Variants in UNK observed in about 807,000 individuals in gnomAD.
UNK encodes the protein RING finger protein unkempt homolog.
Under a neutral mutation model 97.6 loss-of-function variants are expected in UNK, and 32 were observed. The observed-to-expected ratio is 0.33, with a 90% CI of 0.25 to 0.44. The LOEUF (loss-of-function observed/expected upper bound fraction) is 0.44. Ranked by LOEUF, UNK falls within the 20% of genes least tolerant of loss-of-function variation. UNK has a pLI of 1.00. For missense variants in UNK, 771 were observed against 1,098.4 expected (o/e 0.70, Z 4.21); for synonymous variants, 441 against 461.2 (o/e 0.96, Z 0.56).
Position 75,817,653 on chromosome 17 carries a change from T to G in UNK, c.1305+127T>G, listed in dbSNP as rs2062029470. 9.7e-7 allele frequency: 1 copy of G among 1,031,896 alleles called. No homozygotes were observed. The highest frequency in any genetic ancestry group is 2.6e-5 in the East Asian group (1 of 37,816). 63.9% of individuals were successfully genotyped at this position (1,031,896 alleles called of 1,614,324 possible). On this transcript the variant is annotated intron_variant, in intron 9 of 15. Coordinates refer to ENST00000589666, the MANE Select transcript of UNK (RefSeq NM_001080419.3). The surrounding 1 kb of genome is among the most constrained non-coding windows in gnomAD (Gnocchi z 5.8). ...AGCTAGGACTCCACTGTCCTCGGCC[T>G]CTTCAGGACTGAACAGAGGGAGCAG... is the stretch of plus-strand genomic sequence containing the variant.
Position 75,789,209 on chromosome 17 carries a change from AATC to A in UNK, c.104+4226_104+4228del, listed in dbSNP as rs2061740648. The stretch of plus-strand genomic sequence containing the variant: ...AGCAGGCACTTGTGCTGGACTTAGG[AATC>A]CAGTCCTTTTAGAAAACAGTTATGT... On this transcript the variant is annotated intron_variant, in intron 1 of 15. Coordinates refer to ENST00000589666, the MANE Select transcript of UNK (RefSeq NM_001080419.3). Among the ~76,000 whole-genome samples the A allele has an allele frequency of 2.0e-5, 3 of 152,166 alleles. No homozygotes were observed. The East Asian group carries it at 5.8e-4, about 29-fold the overall frequency.
chr17:75,815,134 G>C (rs748450340), intron 6 of UNK, 35 bp from the exon 7 acceptor site: 2 of 1,600,230 alleles, frequency 1.2e-6, no homozygotes. Flanking sequence ...TTCCCTCAGG[G>C]CCTGAGCCTG....
intron 6 of UNK, 52 bp downstream of exon 6, chr17:75,813,930 C>A: frequency 6.8e-7 from 1 of 1,476,324 alleles, no homozygotes; most frequent in Non-Finnish European, 9.1e-7. Context: ...AGGAGAGAGG[C>A]AGGCAGGATC....
chr17:75,785,233 C>T (rs758152374), intron 1 of UNK: 40 of 485,998 alleles, frequency 8.2e-5, no homozygotes, highest in Non-Finnish European at 1.4e-4. Flanking sequence ...GCTCGGGATG[C>T]AGAGTGCACT....
intron 15 of UNK, 141 bp downstream of exon 15, chr17:75,823,663 C>T (rs535899818): frequency 8.2e-5 from 104 of 1,271,868 alleles, no homozygotes; most frequent in South Asian, 5.1e-4. Flanking sequence ...CTCAAAAGGC[C>T]GGCCTGCTGG....
chr17:75,800,927 G>A (rs187506804), intron 1 of UNK, among the ~76,000 whole-genome samples: 56 of 150,652 alleles, frequency 3.7e-4, no homozygotes, highest in African/African-American at 1.3e-3. Flanking sequence ...TTTTTGAGAC[G>A]GAGTGTCACT....
At chr17:75,787,620 G>A (rs1008874207) in intron 1 of UNK, among the ~76,000 whole-genome samples, 1 of 151,552 alleles carries the variant, frequency 6.6e-6, no homozygotes, top group African/African-American at 2.4e-5. Flanking sequence ...GAGGTCAGGA[G>A]TTCGAGACCA....
intron 1 of UNK, chr17:75,785,273 T>G: frequency 2.7e-6 from 1 of 373,496 alleles, no homozygotes; most frequent in Non-Finnish European, 4.8e-6. Context: ...GAGGCCTAAC[T>G]GTTCCTCAGA....
intron 1 of UNK, chr17:75,793,478 A>C: frequency 1.0e-6 from 1 of 985,334 alleles, no homozygotes. Context: ...AGAGCTGAGG[A>C]GAAGGAGAAG....
intron 1 of UNK, among the ~76,000 whole-genome samples, chr17:75,789,109 AT>A (rs544737754): frequency 1.3e-4 from 19 of 150,428 alleles, no homozygotes; most frequent in South Asian, 8.4e-4. Flanking sequence ...AATTTTGTTG[AT>A]TTTTTTTTTC....
At chr17:75,790,246 G>A (rs895256687) in intron 1 of UNK, among the ~76,000 whole-genome samples, 9 of 151,894 alleles carry the variant, frequency 5.9e-5, no homozygotes, top group African/African-American at 2.2e-4. Context: ...GCAGTGAGCC[G>A]AGATCTCGCC....
In UNK at chr17:75,789,859, T is replaced by G. The variant is rs1284605245; in HGVS notation, c.104+4875T>G. On this transcript the variant is annotated intron_variant, in intron 1 of 15. Transcript: ENST00000589666. Reference sequence around the variant, plus strand: ...AGTTATACTATTGAAAGTGTATAGCTGAGCAGGGCGTAGTAGCTCACATCT... The same window carrying G: ...AGTTATACTATTGAAAGTGTATAGCGGAGCAGGGCGTAGTAGCTCACATCT... Among the ~76,000 whole-genome samples, 5 of 152,134 alleles carry G rather than the reference T, an allele frequency of 3.3e-5. No individual in the cohort carries two copies. In the South Asian group the frequency reaches 8.3e-4, roughly 25 times the overall value.
intron 1 of UNK, among the ~76,000 whole-genome samples, chr17:75,791,016 T>C (rs940786843): frequency 6.6e-6 from 1 of 152,178 alleles, no homozygotes; most frequent in African/African-American, 2.4e-5. Context: ...TTTGACCCCA[T>C]GAGAGGAAGT....
intron 1 of UNK, among the ~76,000 whole-genome samples, chr17:75,802,186 A>C (rs1393650278): frequency 7.0e-6 from 1 of 142,100 alleles, no homozygotes; most frequent in Non-Finnish European, 1.5e-5. Flanking sequence ...TTTTCTGGGA[A>C]TCTTGTGATA....
intron 5 of UNK, 53 bp from the exon 6 acceptor site, chr17:75,813,708 C>T: frequency 6.7e-7 from 1 of 1,486,652 alleles, no homozygotes; most frequent in Non-Finnish European, 9.1e-7. Context: ...ACCTGCTAGG[C>T]TCCGATCTCA....
At chr17:75,820,583 TCCAGGGAGGC>T (rs376675019) in intron 13 of UNK, among the ~76,000 whole-genome samples, 70 of 152,224 alleles carry the variant, frequency 4.6e-4, no homozygotes, top group African/African-American at 1.7e-3. Context: ...GGGCAGAGGC[TCCAGGGAGGC>T]CCAGGGCTGG....
At chr17:75,821,516 C>T (rs1037395584) in intron 13 of UNK, 1 of 441,884 alleles carries the variant, frequency 2.3e-6, no homozygotes, top group African/African-American at 2.0e-5. Flanking sequence ...TGAGGTCTTC[C>T]TCTGGGATGG....
At chr17:75,800,859 T>C (rs182977275) in intron 1 of UNK, among the ~76,000 whole-genome samples, 107 of 152,268 alleles carry the variant, frequency 7.0e-4, no homozygotes, top group African/African-American at 2.1e-3. Flanking sequence ...AGACTGACTA[T>C]ATGTGATGCT....
intron 1 of UNK, among the ~76,000 whole-genome samples, chr17:75,804,223 G>T (rs2061889383): frequency 6.6e-6 from 1 of 152,228 alleles, no homozygotes. Flanking sequence ...GGAGGCAAAG[G>T]TGGGTAGATC....
Sources: allele counts gnomAD v4.1 joint callset (sites outside exome capture counted in the v4.1 genomes callset), GRCh38; gene constraint gnomAD v4.1.1; non-coding constraint Gnocchi (gnomAD v3.1); transcripts MANE v1.5; gene names NCBI Gene and HGNC (gene_info 2026-07-23, HGNC 2026-07-21).